The following UCK2 variants were observed in gnomAD, a reference collection of about 807,000 sequenced individuals.
The protein encoded by UCK2 is cytidine monophosphokinase 2.
In UCK2, 6 loss-of-function variants were observed where a neutral mutation model predicts 30.8. The observed-to-expected ratio is 0.19, with a 90% CI of 0.11 to 0.38. UCK2 has a LOEUF of 0.38. Ranked by LOEUF, UCK2 falls within the 10% of genes least tolerant of loss-of-function variation. The probability of loss-of-function intolerance (pLI) is 1.00; values close to 1 mark genes in which losing one functional copy is unlikely to be tolerated. For missense variants in UCK2, 210 were observed against 339.8 expected, an observed-to-expected ratio of 0.62 and a Z score of 3.00; for synonymous variants, 125 against 133.6, an observed-to-expected ratio of 0.94 and a Z score of 0.45.
In UCK2 at chr1:165,845,571, G is replaced by T. The variant is rs570460732; in HGVS notation, c.99+17639G>T. ...GTTGTTTTACATCAGCTAAATATCAGTCTCCTTGAGATTTGGGAAATATTT... is the reference window on the plus strand; with the variant it reads ...GTTGTTTTACATCAGCTAAATATCATTCTCCTTGAGATTTGGGAAATATTT... On this transcript the variant is annotated intron_variant, in intron 1 of 6. Transcript: ENST00000367879. Among the ~76,000 whole-genome samples the T allele has an allele frequency of 5.3e-5, 8 of 152,256 alleles. No homozygotes were observed. The South Asian group carries it at 1.7e-3, about 32-fold the overall frequency.
rs201019533 is a variant in UCK2, at chr1:165,872,434, G to A, written c.100-17770G>A. On this transcript the variant is annotated intron_variant, in intron 1 of 6. Transcript: ENST00000367879. ...TTAAAATAGGACAGCAAATTAAACA[G>A]ACCAAAGGTTAAATATCATTAAGAG... Among the ~76,000 whole-genome samples the A allele has an allele frequency of 1.9e-4, 29 of 152,234 alleles. No homozygotes were observed. In the East Asian group the frequency reaches 4.6e-3, roughly 24 times the overall value.
At chr1:165,903,539 G>C (rs751207154) in intron 5 of UCK2, among the ~76,000 whole-genome samples, 12 of 152,106 alleles carry the variant, frequency 7.9e-5, no homozygotes, top group African/African-American at 2.4e-4. Context: ...TTAATTCCCA[G>C]CTAGTTCTAG....
At chr1:165,849,694 G>A (rs186164962) in intron 1 of UCK2, among the ~76,000 whole-genome samples, 1 of 152,292 alleles carries the variant, frequency 6.6e-6, no homozygotes, top group Admixed American at 6.5e-5. Flanking sequence ...TTTTGTGTTG[G>A]AAGTTAGGAA....
intron 1 of UCK2, among the ~76,000 whole-genome samples, chr1:165,873,832 C>T (rs10918301): frequency 0.37 from 55,703 of 151,880 alleles, 10,508 homozygotes; most frequent in Non-Finnish European, 0.44. Flanking sequence ...TTCTCCCTCC[C>T]TCCCTCCTGC....
intron 1 of UCK2, among the ~76,000 whole-genome samples, chr1:165,835,514 T>C (rs1327155082): frequency 2.0e-5 from 3 of 152,062 alleles, no homozygotes; most frequent in Non-Finnish European, 2.9e-5. Flanking sequence ...TCACATATTT[T>C]TGACATCAGT....
chr1:165,873,904 C>CT (rs1252842983), intron 1 of UCK2, among the ~76,000 whole-genome samples: 4 of 152,160 alleles, frequency 2.6e-5, no homozygotes, highest in Admixed American at 1.3e-4. Flanking sequence ...AGCTATTTCT[C>CT]TGTGATTTTA....
chr1:165,867,975 T>C (rs1307925425), intron 1 of UCK2, among the ~76,000 whole-genome samples: 1 of 152,218 alleles, frequency 6.6e-6, no homozygotes, highest in Non-Finnish European at 1.5e-5. Context: ...ATTTCTTAAA[T>C]AATAACTTGA....
At chr1:165,848,641 AAC>A (rs1553196968) in intron 1 of UCK2, among the ~76,000 whole-genome samples, 4 of 151,278 alleles carry the variant, frequency 2.6e-5, no homozygotes, top group East Asian at 3.9e-4. Flanking sequence ...CTCCAAACAA[AAC>A]ACACACACAC....
At chr1:165,896,413 C>G in intron 4 of UCK2, 81 bp downstream of exon 4, 1 of 1,532,740 alleles carries the variant, frequency 6.5e-7, no homozygotes, top group Non-Finnish European at 8.9e-7. Flanking sequence ...CAGGACCCCA[C>G]CCGCCTGAGT....
chr1:165,841,183 C>T (rs1654323042), intron 1 of UCK2, among the ~76,000 whole-genome samples: 1 of 151,134 alleles, frequency 6.6e-6, no homozygotes, highest in Non-Finnish European at 1.5e-5. Flanking sequence ...ACTGCTGCTG[C>T]TGCTGCTTTT....
Position 165,853,238 on chromosome 1 carries a change from G to A in UCK2, c.99+25306G>A, listed in dbSNP as rs189598713. Among the ~76,000 whole-genome samples the A allele has an allele frequency of 8.7e-4, 132 of 152,282 alleles. 1 individual carries two copies. Among genetic ancestry groups the A allele is most frequent in the Admixed American group, 4.2e-3 (64 of 15,294 alleles). ...TAATCAGAGATGGGGGAAAATTTGGGTGCTGGGAAGAGCAGATCATCTCAG... is the reference window on the plus strand; with the variant it reads ...TAATCAGAGATGGGGGAAAATTTGGATGCTGGGAAGAGCAGATCATCTCAG... On this transcript the variant is annotated intron_variant, in intron 1 of 6. Coordinates refer to ENST00000367879, the MANE Select transcript of UCK2 (RefSeq NM_012474.5).
At chr1:165,856,095 G>A (rs1260968721) in intron 1 of UCK2, among the ~76,000 whole-genome samples, 3 of 152,076 alleles carry the variant, frequency 2.0e-5, no homozygotes, top group Admixed American at 2.0e-4. Context: ...TTCCAGTGTA[G>A]AAGGTTTTAT....
At chr1:165,842,268 T>C (rs1231593371) in intron 1 of UCK2, among the ~76,000 whole-genome samples, 2 of 152,186 alleles carry the variant, frequency 1.3e-5, no homozygotes, top group East Asian at 1.9e-4. Flanking sequence ...TCCCCCTCCA[T>C]GTTCTGTATT....
chr1:165,854,070 T>C (rs1262905077), intron 1 of UCK2, among the ~76,000 whole-genome samples: 2 of 152,226 alleles, frequency 1.3e-5, no homozygotes, highest in Admixed American at 6.5e-5. Context: ...TGAGAAACTT[T>C]AGGTGCCATT....
intron 4 of UCK2, 27 bp from the exon 5 acceptor site, chr1:165,903,155 T>C: frequency 6.2e-7 from 1 of 1,601,082 alleles, no homozygotes; most frequent in Non-Finnish European, 8.5e-7. Context: ...CACCGTTTTT[T>C]GATTCTTGTT....
intron 1 of UCK2, among the ~76,000 whole-genome samples, chr1:165,876,291 G>C (rs1358781961): frequency 6.6e-6 from 1 of 152,198 alleles, no homozygotes; most frequent in Non-Finnish European, 1.5e-5. Context: ...CACACCACTG[G>C]ATCTGGAAGT....
chr1:165,839,002 CGTGCCACTGCACTCCA>C (rs1654263357), intron 1 of UCK2, among the ~76,000 whole-genome samples: 2 of 151,872 alleles, frequency 1.3e-5, no homozygotes, highest in South Asian at 4.2e-4. Flanking sequence ...GAGCCGAGAT[CGTGCCACTGCACTCCA>C]GCCTGGATGA....
chr1:165,889,510 C>T (rs1231460987), intron 1 of UCK2, among the ~76,000 whole-genome samples: 2 of 152,030 alleles, frequency 1.3e-5, no homozygotes, highest in African/African-American at 4.8e-5. Context: ...CTACCTTTAT[C>T]AGTGGCTCTG....
chr1:165,831,503 G>T (rs1240535934), intron 1 of UCK2, among the ~76,000 whole-genome samples: 1 of 152,198 alleles, frequency 6.6e-6, no homozygotes. Context: ...TGACTTTTAG[G>T]TGTCATTCTG....
Sources: allele counts gnomAD v4.1 joint callset (sites outside exome capture counted in the v4.1 genomes callset), GRCh38; gene constraint gnomAD v4.1.1; transcripts MANE v1.5; gene names NCBI Gene and HGNC (gene_info 2026-07-23, HGNC 2026-07-21).